SLC24A3: variants seen among roughly 807,000 people sequenced by gnomAD.
The protein encoded by SLC24A3 is solute carrier family 24 member 3, also known as sodium/potassium/calcium exchanger 3.
SLC24A3 carries 28 observed loss-of-function variants against 75.8 expected under a neutral mutation model. That is an observed-to-expected ratio of 0.37 (90% CI 0.27 to 0.51). SLC24A3 has a LOEUF of 0.51. SLC24A3 is among the 20% of genes least tolerant of loss of function. SLC24A3 has a pLI of 0.94. For missense variants in SLC24A3, 663 were observed against 847.8 expected (o/e 0.78, Z 2.71); for synonymous variants, 372 against 334.1 (o/e 1.11, Z -1.24).
chr20:19,589,523 A>G (rs8126436), intron 6 of SLC24A3, among the ~76,000 whole-genome samples: 1 of 152,134 alleles, frequency 6.6e-6, no homozygotes, highest in East Asian at 1.9e-4. Flanking sequence ...GTGGGGAAAT[A>G]TGAGTGAGCT....
At chr20:19,341,355 T>A (rs1166990352) in intron 2 of SLC24A3, among the ~76,000 whole-genome samples, 1 of 151,882 alleles carries the variant, frequency 6.6e-6, no homozygotes, top group East Asian at 1.9e-4. Flanking sequence ...AGGAGTGGAG[T>A]CCAGGAATCT....
At chr20:19,569,507 C>T (rs1421274851) in intron 3 of SLC24A3, among the ~76,000 whole-genome samples, 1 of 152,142 alleles carries the variant, frequency 6.6e-6, no homozygotes, top group Non-Finnish European at 1.5e-5. Flanking sequence ...TCTGCTCCAA[C>T]CCCTCTCCCA....
intron 2 of SLC24A3, among the ~76,000 whole-genome samples, chr20:19,340,754 CTCTTA>C (rs1245453827): frequency 1.3e-5 from 2 of 152,296 alleles, no homozygotes; most frequent in African/African-American, 2.4e-5. Context: ...AGATTTCTGC[CTCTTA>C]TCTTGTCATC....
chr20:19,515,921 C>A (rs1285812010), intron 3 of SLC24A3, among the ~76,000 whole-genome samples: 1 of 152,192 alleles, frequency 6.6e-6, no homozygotes, highest in African/African-American at 2.4e-5. Flanking sequence ...TTTCCTCTTA[C>A]CCTGCTTTGT....
At chr20:19,269,151 G>A (rs1302625653) in intron 1 of SLC24A3, among the ~76,000 whole-genome samples, 1 of 152,180 alleles carries the variant, frequency 6.6e-6, no homozygotes, top group Non-Finnish European at 1.5e-5. Context: ...GCTTCCAGTT[G>A]TATAGTCTTA....
chr20:19,591,764 A>G lies in SLC24A3; in HGVS notation c.612+6220A>G, dbSNP rs141275776. ...CCATTTCTCCCTTCCCTCCAGAGCT[A>G]AGAATCTAATCACTTCCACCTCGAA... On this transcript the variant is annotated intron_variant, in intron 6 of 16. Coordinates refer to ENST00000328041, the MANE Select transcript of SLC24A3 (RefSeq NM_020689.4). Among the ~76,000 whole-genome samples the G allele has an allele frequency of 5.0e-3, 760 of 152,298 alleles. 5 individuals are homozygous for G. The highest frequency in any genetic ancestry group is 0.017 in the African/African-American group (715 of 41,556).
intron 3 of SLC24A3, among the ~76,000 whole-genome samples, chr20:19,517,503 C>G (rs1225533218): frequency 6.6e-6 from 1 of 152,130 alleles, no homozygotes; most frequent in African/African-American, 2.4e-5. Context: ...GGCATAAAGG[C>G]AACATGGACA....
At chr20:19,601,044 C>A (rs6515030) in intron 6 of SLC24A3, among the ~76,000 whole-genome samples, 56,302 of 152,056 alleles carry the variant, frequency 0.37, 10,659 homozygotes, top group African/African-American at 0.41. Flanking sequence ...ACATGAACTT[C>A]AGAAGTTACT....
At chr20:19,612,365 G>C (rs191743339) in intron 6 of SLC24A3, among the ~76,000 whole-genome samples, 1 of 152,170 alleles carries the variant, frequency 6.6e-6, no homozygotes, top group Non-Finnish European at 1.5e-5. Context: ...GGGCGAATAT[G>C]GTTGACAGTG....
rs1555799267 is a variant in SLC24A3, at chr20:19,546,172, A to AAAAAAAAAAC, written c.348+30617_348+30618insCAAAAAAAAA. ...AGACTCCGTCTCAAAAAAAAAAAAA[A>AAAAAAAAAAC]AAAAAAAAAAAAAAAACCAGGTAAT... On this transcript the variant is annotated intron_variant, in intron 3 of 16. Transcript: ENST00000328041. Among the ~76,000 whole-genome samples the AAAAAAAAAAC allele has an allele frequency of 7.5e-4, 111 of 148,984 alleles. 6 individuals are homozygous for AAAAAAAAAAC. Among genetic ancestry groups the AAAAAAAAAAC allele is most frequent in the Non-Finnish European group, 1.5e-3 (99 of 66,834 alleles).
At chr20:19,579,721 A>G (rs1353228851) in intron 3 of SLC24A3, among the ~76,000 whole-genome samples, 1 of 152,204 alleles carries the variant, frequency 6.6e-6, no homozygotes, top group Non-Finnish European at 1.5e-5. Context: ...CAGAGTGTTC[A>G]GGGCAGAGGG....
chr20:19,650,773 C>T (rs2032193433), intron 6 of SLC24A3, among the ~76,000 whole-genome samples: 1 of 152,192 alleles, frequency 6.6e-6, no homozygotes, highest in South Asian at 2.1e-4. Context: ...GGTTCATCTT[C>T]TTTGGAGCAC....
chr20:19,433,295 C>CA (rs1386958524), intron 2 of SLC24A3, among the ~76,000 whole-genome samples: 1 of 152,162 alleles, frequency 6.6e-6, no homozygotes, highest in Non-Finnish European at 1.5e-5. Flanking sequence ...GGTCAAATCA[C>CA]AGAGAGCTCT....
chr20:19,503,466 A>T (rs1015692957), intron 2 of SLC24A3, among the ~76,000 whole-genome samples: 14 of 152,268 alleles, frequency 9.2e-5, no homozygotes, highest in African/African-American at 3.4e-4. Flanking sequence ...CTAACAAAAA[A>T]TAATCAAGTT....
At chr20:19,675,031 GA>G (rs1444564337) in intron 9 of SLC24A3, among the ~76,000 whole-genome samples, 1 of 152,202 alleles carries the variant, frequency 6.6e-6, no homozygotes, top group Admixed American at 6.5e-5. Context: ...CTGGGTGACA[GA>G]GCGAGACTCC....
chr20:19,511,453 A>T (rs1023543728), intron 2 of SLC24A3, among the ~76,000 whole-genome samples: 4 of 151,066 alleles, frequency 2.6e-5, no homozygotes, highest in African/African-American at 9.8e-5. Context: ...TCAGCCTCCC[A>T]GGTAGCTGGG....
chr20:19,589,191 G>A (rs1032184035), intron 6 of SLC24A3, among the ~76,000 whole-genome samples: 3 of 152,248 alleles, frequency 2.0e-5, no homozygotes, highest in African/African-American at 7.2e-5. Flanking sequence ...GTGGAAGGAA[G>A]GCAAGGAAGA....
intron 6 of SLC24A3, among the ~76,000 whole-genome samples, chr20:19,627,721 G>A (rs2031881649): frequency 6.6e-6 from 1 of 152,154 alleles, no homozygotes; most frequent in Non-Finnish European, 1.5e-5. Flanking sequence ...ACACCATGGT[G>A]CCCACCCTTG....
At chr20:19,720,913 C>T (rs1207639154) in intron 16 of SLC24A3, 78 bp from the exon 17 acceptor site, 3 of 1,552,472 alleles carry the variant, frequency 1.9e-6, no homozygotes, top group Non-Finnish European at 2.6e-6. Context: ...TTCCCCGGGT[C>T]CCCTGGGTTC....
Sources: allele counts gnomAD v4.1 joint callset (sites outside exome capture counted in the v4.1 genomes callset), GRCh38; gene constraint gnomAD v4.1.1; transcripts MANE v1.5; gene names NCBI Gene and HGNC (gene_info 2026-07-23, HGNC 2026-07-21).